The following L1TD1 variants were observed in gnomAD, a reference collection of about 807,000 sequenced individuals.
L1TD1 encodes the protein LINE1 type transposase domain containing 1, also known as LINE-1 type transposase domain-containing protein 1.
A neutral mutation model predicts 25.7 loss-of-function variants in L1TD1; 26 were observed. The ratio of observed to expected loss-of-function variants is 1.01; its 90% CI spans 0.74 to 1.40. The LOEUF (loss-of-function observed/expected upper bound fraction) is 1.40, where lower values mean the gene tolerates loss of function less well. L1TD1 is among the 40% of genes most tolerant of loss of function. The pLI, the probability that L1TD1 is intolerant of heterozygous loss-of-function variation, is 0.00. For synonymous variants in L1TD1, 421 were observed against 335.6 expected (o/e 1.25, Z -2.78); for missense variants, 1,130 against 975.0 (o/e 1.16, Z -2.12).
At chr1:62,198,323 C>CAA (rs71301242) in intron 2 of L1TD1, among the ~76,000 whole-genome samples, 1 of 138,962 alleles carries the variant, frequency 7.2e-6, no homozygotes, top group Non-Finnish European at 1.6e-5. Flanking sequence ...AGTGAGATCT[C>CAA]AAAAAAAAAA....
intron 2 of L1TD1, among the ~76,000 whole-genome samples, chr1:62,205,228 C>CTCGG (rs1670711777): frequency 2.0e-5 from 3 of 151,166 alleles, no homozygotes. Flanking sequence ...ATCCCAGCTA[C>CTCGG]TCGGGAGGCT....
chr1:62,196,961 ATAATCTAGTG>A (rs1399540042), intron 2 of L1TD1, among the ~76,000 whole-genome samples: 1 of 152,072 alleles, frequency 6.6e-6, no homozygotes, highest in East Asian at 1.9e-4. Flanking sequence ...AGCCCTACTT[ATAATCTAGTG>A]TGGGTCAGGA....
At chr1:62,202,122 G>C (rs1352644739) in intron 2 of L1TD1, among the ~76,000 whole-genome samples, 1 of 152,192 alleles carries the variant, frequency 6.6e-6, no homozygotes, top group Non-Finnish European at 1.5e-5. Context: ...CCAACACGGA[G>C]AAACCTTGTC....
intron 2 of L1TD1, among the ~76,000 whole-genome samples, chr1:62,199,098 C>G (rs1670595758): frequency 6.6e-6 from 1 of 152,310 alleles, no homozygotes; most frequent in South Asian, 2.1e-4. Flanking sequence ...ATTTTGAACC[C>G]AGAGTGCCTG....
intron 2 of L1TD1, among the ~76,000 whole-genome samples, chr1:62,199,940 T>C (rs1670610268): frequency 6.6e-6 from 1 of 152,160 alleles, no homozygotes; most frequent in Admixed American, 6.5e-5. Flanking sequence ...TATAATCTTT[T>C]TGTGTTTACT....
chr1:62,209,081 AG>A (rs1670807937), intron 3 of L1TD1, among the ~76,000 whole-genome samples: 2 of 152,174 alleles, frequency 1.3e-5, no homozygotes, highest in African/African-American at 4.8e-5. Flanking sequence ...CATCATCAGA[AG>A]CTCAATACCT....
chr1:62,211,352 C>T lies in L1TD1; in HGVS notation c.2578C>T (p.Leu860=). The change falls in exon 4 of 4, where the codon CTG becomes TTG. Residue 860 remains leucine, a synonymous_variant. Transcript: ENST00000498273. Reference sequence around the variant, plus strand: ...GCATATGCCCACCTTGAGAGAATTACTGGGGAATAATATACCTTAGCACGC... The same window carrying T: ...GCATATGCCCACCTTGAGAGAATTATTGGGGAATAATATACCTTAGCACGC... ...VLHMPTLREL[L]GNNIP 6.2e-7 allele frequency: 1 copy of T among 1,607,136 alleles called. No homozygotes were observed.
At position 62,211,500 on chromosome 1, in the gene L1TD1, C is replaced by A; in HGVS notation, c.*128C>A. ...TAATAGCGTACTTGGGGATGAGGAG[C>A]AAGGAATATTACAGATATTACCTAG... On this transcript the variant is annotated 3_prime_UTR_variant, in exon 4 of 4. Transcript: ENST00000498273. 1 of 1,434,406 alleles carries A rather than the reference C, an allele frequency of 7.0e-7. No individual in the cohort carries two copies. The allele number at this position is 1,434,406 out of a possible 1,614,324, so 88.9% of individuals were successfully genotyped here.
rs2149096832 is a variant in L1TD1, at chr1:62,194,933, C to A, written c.-205+12C>A. On this transcript the variant is annotated intron_variant, in intron 1 of 3. Coordinates refer to ENST00000498273, the MANE Select transcript of L1TD1 (RefSeq NM_019079.5). Reference sequence around the variant, plus strand: ...TCCTTTTTCGCCAGGTAAGGCTGGCCCGGGTGCATGGGGCCCGGCGTGCCC... The same window carrying A: ...TCCTTTTTCGCCAGGTAAGGCTGGCACGGGTGCATGGGGCCCGGCGTGCCC... The A allele has an allele frequency of 6.5e-6, 1 of 152,700 alleles. No homozygotes were observed. The highest frequency in any genetic ancestry group is 2.4e-5 in the African/African-American group (1 of 41,580). The allele number at this position is 152,700 out of a possible 1,614,324, so 9.5% of individuals were successfully genotyped here.
chr1:62,200,659 A>G (rs1670624559), intron 2 of L1TD1, among the ~76,000 whole-genome samples: 6 of 152,182 alleles, frequency 3.9e-5, no homozygotes, highest in Admixed American at 2.6e-4. Context: ...CTATTCATGT[A>G]TTCCTAAGTG....
At chr1:62,205,413 CTCTCTA>C (rs1355710124) in intron 2 of L1TD1, among the ~76,000 whole-genome samples, 311 of 30,492 alleles carry the variant, frequency 0.01, 6 homozygotes, top group Middle Eastern at 0.04. Context: ...CTCTCTCTCT[CTCTCTA>C]TATATATATA....
In L1TD1 at chr1:62,207,234, T is replaced by C. The variant is rs182407382; in HGVS notation, c.606T>C (p.Asp202=). The change falls in exon 3 of 4, where the codon GAT becomes GAC. Residue 202 remains aspartate (D), a synonymous_variant. Transcript: ENST00000498273. ...TTACAGAAAGAGAGAGTAGGAAGGA[T>C]GGAGAGGATGAATTTGTCAAAGAAA... ...LEFTERESRK[D]GEDEFVKEMR... 616 of 1,551,298 alleles carry C rather than the reference T, an allele frequency of 4.0e-4. 4 individuals are homozygous for C. Among genetic ancestry groups the C allele is most frequent in the Non-Finnish European group, 2.2e-5 (25 of 1,146,942 alleles).
chr1:62,206,890 C>A lies in L1TD1; in HGVS notation c.262C>A (p.Pro88Thr). 5.0e-6 allele frequency: 8 copies of A among 1,613,660 alleles called. No homozygotes were observed. Among genetic ancestry groups the A allele is most frequent in the Non-Finnish European group, 6.8e-6 (8 of 1,179,874 alleles). Residue 88 changes from proline to threonine, a missense_variant, in exon 3 of 4, where the codon CCT (proline) becomes ACT (threonine). Pro to Thr is a conservative substitution (Grantham distance 38). Transcript: ENST00000498273. ...KAVLGGKATI[P>T]EVKNSENSSS... Reference sequence around the variant, plus strand: ...AGTTTTAGGGGGAAAAGCTACAATACCTGAGGTAAAGAATTCAGAGAACTC... The same window carrying A: ...AGTTTTAGGGGGAAAAGCTACAATAACTGAGGTAAAGAATTCAGAGAACTC...
intron 2 of L1TD1, among the ~76,000 whole-genome samples, chr1:62,197,915 T>G (rs2149097995): frequency 6.7e-6 from 1 of 149,784 alleles, no homozygotes; most frequent in South Asian, 2.2e-4. Context: ...CAAAACCCTG[T>G]AAATTACTTG....
In L1TD1 at chr1:62,211,081, TAAA is replaced by T. The variant is rs1557448661; in HGVS notation, c.2308_2310del (p.Lys770del). On this transcript the variant is annotated inframe_deletion, in exon 4 of 4. Transcript: ENST00000498273. ...TGGTGAAATTTTGGAATTCTAGTGA[TAAA>T]GAGAAAATAATAAGGGCTTCTAGAG... 1 of 1,550,472 alleles carries T rather than the reference TAAA, an allele frequency of 6.4e-7. No homozygotes were observed. Among genetic ancestry groups the T allele is most frequent in the East Asian group, 2.4e-5 (1 of 40,880 alleles).
At position 62,210,751 on chromosome 1, in the gene L1TD1, T is replaced by G. The variant is rs955691359; in HGVS notation, c.1977T>G (p.Leu659=). 4.5e-6 allele frequency: 7 copies of G among 1,551,332 alleles called. No individual in the cohort carries two copies. Among genetic ancestry groups the G allele is most frequent in the Non-Finnish European group, 6.1e-6 (7 of 1,146,960 alleles). ...ATCTGAGTAGCAGAATGGACATACT[T>G]GAAGAAAGAATAGACAGTCTAGAAG... ...VDDLSSRMDI[L]EERIDSLEDQ... Residue 659 remains leucine (L), a synonymous_variant, in exon 4 of 4, where the codon CTT becomes CTG. Coordinates refer to ENST00000498273, the MANE Select transcript of L1TD1 (RefSeq NM_019079.5).
In L1TD1 at chr1:62,211,288, GGT is replaced by G. The variant is rs1401158533; in HGVS notation, c.2515_2516del (p.Val839IlefsTer3). 3.1e-6 allele frequency: 5 copies of G among 1,612,882 alleles called. No individual in the cohort carries two copies. Among genetic ancestry groups the G allele is most frequent in the Non-Finnish European group, 2.5e-6 (3 of 1,179,452 alleles). ...CATTTGATTTTAGGGGTAAAACAAA[GGT>G]ATTTCTTAGTATTGAAGAATTTAGA... The part of the protein sequence containing the change: ...MAFDFRGKTK[V>X]FLSIEEFRDY... On this transcript the variant is annotated frameshift_variant, in exon 4 of 4. Transcript: ENST00000498273. LOFTEE classifies it low-confidence loss of function (END_TRUNC).
At chr1:62,200,583 C>T (rs766268737) in intron 2 of L1TD1, among the ~76,000 whole-genome samples, 4 of 152,056 alleles carry the variant, frequency 2.6e-5, no homozygotes, top group Admixed American at 6.6e-5. Context: ...TTGTTCCACC[C>T]TTCTCTTATT....
chr1:62,207,299 A>G lies in L1TD1; in HGVS notation c.671A>G (p.Glu224Gly), dbSNP rs750607821. Reference protein sequence around the residue: ...ERKFQKLKNKEEVLKASREEK... With the variant: ...ERKFQKLKNKGEVLKASREEK... ...AAATTTCAGAAATTGAAGAATAAAG[A>G]GGAGGTTTTAAAAGCCTCCAGAGAA... Residue 224 changes from glutamate to glycine, a missense_variant, in exon 3 of 4, where the codon GAG (glutamate) becomes GGG (glycine). Transcript: ENST00000498273. 4.8e-5 allele frequency: 74 copies of G among 1,550,856 alleles called. No individual in the cohort carries two copies. The highest frequency in any genetic ancestry group is 6.4e-5 in the Non-Finnish European group (73 of 1,146,812).
Sources: allele counts gnomAD v4.1 joint callset (sites outside exome capture counted in the v4.1 genomes callset), GRCh38; gene constraint gnomAD v4.1.1; transcripts MANE v1.5; gene names NCBI Gene and HGNC (gene_info 2026-07-23, HGNC 2026-07-21).